TASOR: variants seen among roughly 807,000 people sequenced by gnomAD.
The protein encoded by TASOR is protein TASOR.
Under a neutral mutation model 178.6 loss-of-function variants are expected in TASOR, and 53 were observed. The ratio of observed to expected loss-of-function variants is 0.30; its 90% CI spans 0.24 to 0.37. The LOEUF (loss-of-function observed/expected upper bound fraction) is 0.37, where lower values mean the gene tolerates loss of function less well. Ranked by LOEUF, TASOR falls within the 10% of genes least tolerant of loss-of-function variation. TASOR has a pLI of 1.00. For synonymous variants in TASOR, 713 were observed against 696.2 expected, an observed-to-expected ratio of 1.02 and a Z score of -0.38; for missense variants, 1,815 against 1,971.4, an observed-to-expected ratio of 0.92 and a Z score of 1.50.
Position 56,671,538 on chromosome 3 carries a change from AAAATTAGT to A in TASOR, c.570+54_570+61del. Reference sequence around the variant, plus strand: ...GTAAAGAATACTGTTGAATAATCACAAAATTAGTAACTTACAATGGAAACATCCCCAAA... The same window carrying A: ...GTAAAGAATACTGTTGAATAATCACAAACTTACAATGGAAACATCCCCAAA... On this transcript the variant is annotated intron_variant, in intron 3 of 23. Transcript: ENST00000683822. The A allele has an allele frequency of 4.8e-6, 6 of 1,246,444 alleles. No individual in the cohort carries two copies. The South Asian group carries it at 8.6e-5, about 18-fold the overall frequency. The allele number at this position is 1,246,444 out of a possible 1,614,324, so 77.2% of individuals were successfully genotyped here. A position where few individuals can be genotyped will look rare whatever the true frequency, so the allele number is the denominator to read the frequency against.
In TASOR at chr3:56,621,480, G is replaced by C. The variant is rs2076619233; in HGVS notation, c.*1557C>G. ...TATAATTCTAGTTTAACACAACATT[G>C]CAAGTCAGGTGTGCACATTTTACTA... On this transcript the variant is annotated 3_prime_UTR_variant, in exon 24 of 24. Coordinates refer to ENST00000683822, the MANE Select transcript of TASOR (RefSeq NM_001365635.2). The C allele has an allele frequency of 8.9e-7, 1 of 1,127,714 alleles. No individual in the cohort carries two copies. The highest frequency in any genetic ancestry group is 2.4e-5 in the Admixed American group (1 of 41,618). 69.9% of individuals were successfully genotyped at this position (1,127,714 alleles called of 1,614,324 possible). A position where few individuals can be genotyped will look rare whatever the true frequency, so the allele number is the denominator to read the frequency against.
chr3:56,682,615 G>A (rs1476202081), intron 1 of TASOR, 61 bp downstream of exon 1: 1 of 1,378,924 alleles, frequency 7.3e-7, no homozygotes, highest in Non-Finnish European at 9.6e-7. Context: ...GAGATAGAAA[G>A]ATTCTAATGA....
chr3:56,675,333 C>A (rs1213507385), intron 1 of TASOR, among the ~76,000 whole-genome samples: 5 of 151,854 alleles, frequency 3.3e-5, no homozygotes, highest in African/African-American at 1.2e-4. Context: ...CCTGCTACCA[C>A]GCCCAGCTAA....
chr3:56,642,469 G>C (rs949655350), intron 14 of TASOR, among the ~76,000 whole-genome samples: 5 of 152,120 alleles, frequency 3.3e-5, no homozygotes, highest in African/African-American at 1.2e-4. Flanking sequence ...ATTGGGGTGG[G>C]GTAGGGATTG....
At chr3:56,650,693 C>G (rs182828000) in intron 11 of TASOR, among the ~76,000 whole-genome samples, 1 of 152,194 alleles carries the variant, frequency 6.6e-6, no homozygotes, top group East Asian at 1.9e-4. Context: ...GCCTTGTTTC[C>G]TAAAAATCCC....
chr3:56,635,589 T>C (rs1258904394), intron 17 of TASOR, among the ~76,000 whole-genome samples: 4 of 152,162 alleles, frequency 2.6e-5, no homozygotes, highest in Non-Finnish European at 5.9e-5. Context: ...AGAAAAAAAA[T>C]TGAATTGCAT....
At chr3:56,652,120 A>G (rs1578242956) in intron 11 of TASOR, among the ~76,000 whole-genome samples, 1 of 152,200 alleles carries the variant, frequency 6.6e-6, no homozygotes, top group African/African-American at 2.4e-5. Context: ...AAATGTTCAG[A>G]GCAGATAAAT....
In TASOR at chr3:56,641,630, C is replaced by T; in HGVS notation, c.2338G>A (p.Ala780Thr). 6.2e-7 allele frequency: 1 copy of T among 1,614,122 alleles called. No individual in the cohort carries two copies. Among genetic ancestry groups the T allele is most frequent in the Non-Finnish European group, 8.5e-7 (1 of 1,180,040 alleles). The part of the protein sequence containing the change: ...RLFNWLSETL[A>T]NARHSDASLT... ...GATGCATCAGAATGGCGCGCATTTG[C>T]TAGTGTTTCTGATAACCAATTAAAC... The change falls in exon 15 of 24, where the codon GCA (alanine) becomes ACA (threonine). Residue 780 changes from alanine (A) to threonine (T), a missense_variant. By Grantham distance (58) the Ala-to-Thr change is moderately conservative. Transcript: ENST00000683822.
intron 11 of TASOR, 30 bp from the exon 12 acceptor site, chr3:56,649,087 ATCTGCTTTAT>A: frequency 1.3e-6 from 2 of 1,518,076 alleles, no homozygotes; most frequent in South Asian, 2.4e-5. Flanking sequence ...AAGAAGTTGT[ATCTGCTTTAT>A]TATTATTCAC....
At chr3:56,670,940 C>CA (rs11300845) in intron 3 of TASOR, among the ~76,000 whole-genome samples, 1,183 of 53,694 alleles carry the variant, frequency 0.022, 23 homozygotes, top group African/African-American at 0.034. Flanking sequence ...GACTCCATCT[C>CA]AAAAAAAAAA....
At chr3:56,625,097 T>A in intron 21 of TASOR, 91 bp from the exon 22 acceptor site, 8 of 1,221,652 alleles carry the variant, frequency 6.5e-6, no homozygotes, top group South Asian at 5.7e-5. Flanking sequence ...ATTTCTCCAC[T>A]GAGGCAACTA....
In TASOR at chr3:56,627,589, G is replaced by T. The variant is rs1397704698; in HGVS notation, c.4023C>A (p.Val1341=). 2 of 1,613,932 alleles carry T rather than the reference G, an allele frequency of 1.2e-6. No homozygotes were observed. The highest frequency in any genetic ancestry group is 2.2e-5 in the South Asian group (2 of 91,036). Residue 1341 remains valine, a synonymous_variant, in exon 20 of 24, where the codon GTC becomes GTA. Transcript: ENST00000683822. ...SDESILNPEV[V]TVENLKNFLT... ...AAAAGAACATCATCTTACCAACTGT[G>T]ACAACCTCTGGGTTTAGAATTGATT...
rs999856069 is a variant in TASOR, at chr3:56,673,712, T to C, written c.345A>G (p.Pro115=). Residue 115 remains proline (P), a synonymous_variant, in exon 2 of 24, where the codon CCA becomes CCG. Coordinates refer to ENST00000683822, the MANE Select transcript of TASOR (RefSeq NM_001365635.2). The part of the protein sequence containing the change: ...KSREKKALFQ[P]LTPGSREFED... Reference sequence around the variant, plus strand: ...CAAATTCTCGAGAGCCTGGAGTTAATGGCTGGAAAAGTGCTAAAATAAAAA... The same window carrying C: ...CAAATTCTCGAGAGCCTGGAGTTAACGGCTGGAAAAGTGCTAAAATAAAAA... 16 of 1,546,640 alleles carry C rather than the reference T, an allele frequency of 1.0e-5. No homozygotes were observed. Among genetic ancestry groups the C allele is most frequent in the Middle Eastern group, 1.7e-4 (1 of 5,960 alleles).
rs746598106 is a variant in TASOR, at chr3:56,648,863, T to G, written c.1472A>C (p.His491Pro). The stretch of plus-strand genomic sequence containing the variant: ...AGGTTCTTGAAATAGAAACAAAGCA[T>G]GTAGGACTCGAGACTTGGCAGTCTG... ...EYQTAKSRVL[H>P]ALFLFQEPRS... Residue 491 changes from histidine to proline, a missense_variant, in exon 13 of 24, where the codon CAT (histidine) becomes CCT (proline). His to Pro is a moderately conservative substitution (Grantham distance 77). Transcript: ENST00000683822. 6.2e-7 allele frequency: 1 copy of G among 1,612,414 alleles called. No homozygotes were observed. Among genetic ancestry groups the G allele is most frequent in the Non-Finnish European group, 8.5e-7 (1 of 1,179,468 alleles).
chr3:56,650,593 T>C (rs572225225), intron 11 of TASOR, among the ~76,000 whole-genome samples: 134 of 152,340 alleles, frequency 8.8e-4, no homozygotes, highest in Admixed American at 1.4e-3. Context: ...GGGTCAGTTA[T>C]CAGGTCTTTC....
At chr3:56,639,851 C>T in intron 16 of TASOR, 135 bp downstream of exon 16, 2 of 701,738 alleles carry the variant, frequency 2.9e-6, no homozygotes, top group South Asian at 2.1e-5. Flanking sequence ...CAAAATAAGA[C>T]ACTGAAGATG....
chr3:56,676,109 A>G (rs949269090), intron 1 of TASOR, among the ~76,000 whole-genome samples: 15 of 152,076 alleles, frequency 9.9e-5, no homozygotes, highest in Non-Finnish European at 1.9e-4. Flanking sequence ...GTAGCAGACG[A>G]ATATGCTCGG....
At chr3:56,640,190 A>G in intron 15 of TASOR, 60 bp from the exon 16 acceptor site, 1 of 1,497,180 alleles carries the variant, frequency 6.7e-7, no homozygotes, top group Non-Finnish European at 9.1e-7. Flanking sequence ...TGTCAAGAAT[A>G]AACTGTTTTT....
intron 15 of TASOR, among the ~76,000 whole-genome samples, chr3:56,640,499 GCCC>G (rs976799358): frequency 4.6e-5 from 7 of 151,548 alleles, no homozygotes; most frequent in Admixed American, 4.6e-4. Flanking sequence ...CCATGCCCCC[GCCC>G]CCCATCAACT....
Sources: allele counts gnomAD v4.1 joint callset (sites outside exome capture counted in the v4.1 genomes callset), GRCh38; gene constraint gnomAD v4.1.1; transcripts MANE v1.5; gene names NCBI Gene and HGNC (gene_info 2026-07-23, HGNC 2026-07-21).